The following OSBPL3 variants were observed in gnomAD, a reference collection of about 807,000 sequenced individuals.
The protein encoded by OSBPL3 is oxysterol-binding protein-related protein 3.
OSBPL3 carries 65 observed loss-of-function variants against 120.1 expected under a neutral mutation model. That is an observed-to-expected ratio of 0.54 (90% confidence interval 0.44 to 0.67). The LOEUF (loss-of-function observed/expected upper bound fraction) is 0.67, where lower values mean the gene tolerates loss of function less well. Among genes scored for constraint, OSBPL3 ranks in the 30% least tolerant of loss-of-function variants. The pLI, the probability that OSBPL3 is intolerant of heterozygous loss-of-function variation, is 0.00. For missense variants in OSBPL3, 1,004 were observed against 1,082.1 expected (o/e 0.93, Z 1.01); for synonymous variants, 416 against 402.6 (o/e 1.03, Z -0.40).
intron 1 of OSBPL3, among the ~76,000 whole-genome samples, chr7:24,923,151 A>G (rs540222834): frequency 6.6e-6 from 1 of 152,306 alleles, no homozygotes; most frequent in South Asian, 2.1e-4. Context: ...TAGGTTATCT[A>G]TCTAGAAAGG....
At position 24,806,683 on chromosome 7, in the gene OSBPL3, C is replaced by T; in HGVS notation, c.2444+93G>A. The T allele has an allele frequency of 8.6e-7, 1 of 1,159,104 alleles. No individual in the cohort carries two copies. The highest frequency in any genetic ancestry group is 1.2e-6 in the Non-Finnish European group (1 of 815,138). 71.8% of individuals were successfully genotyped at this position (1,159,104 alleles called of 1,614,324 possible). A position where few individuals can be genotyped will look rare whatever the true frequency, so the allele number is the denominator to read the frequency against. ...ATTCCTGATGACATTTTCCACCTTT[C>T]TCAGGTGCCTCTGGTGGCCTAAGGA... On this transcript the variant is annotated intron_variant, in intron 21 of 22. Coordinates refer to ENST00000313367, the MANE Select transcript of OSBPL3 (RefSeq NM_015550.4). This position sits in a 1 kb window ranked among gnomAD's most constrained non-coding sequence, Gnocchi z 5.2.
chr7:24,810,002 A>C, intron 19 of OSBPL3, 51 bp from the exon 20 acceptor site: 1 of 1,596,102 alleles, frequency 6.3e-7, no homozygotes, highest in Non-Finnish European at 8.6e-7. Flanking sequence ...AGCTTATTAC[A>C]GATATTAAGG....
chr7:24,921,620 A>G (rs1810395961), intron 1 of OSBPL3, among the ~76,000 whole-genome samples: 1 of 152,146 alleles, frequency 6.6e-6, no homozygotes, highest in Non-Finnish European at 1.5e-5. Context: ...TGTACCCTCT[A>G]GGGTACCTCT....
At chr7:24,866,996 T>C (rs1241126622) in intron 5 of OSBPL3, among the ~76,000 whole-genome samples, 1 of 152,164 alleles carries the variant, frequency 6.6e-6, no homozygotes, top group African/African-American at 2.4e-5. Flanking sequence ...GAGGCGGGGT[T>C]TCACCATGTT....
At chr7:24,969,419 G>C (rs936412402) in intron 1 of OSBPL3, among the ~76,000 whole-genome samples, 1 of 152,124 alleles carries the variant, frequency 6.6e-6, no homozygotes, top group Non-Finnish European at 1.5e-5. Context: ...TCCTAAATGT[G>C]TTGATTGCCT....
intron 2 of OSBPL3, among the ~76,000 whole-genome samples, chr7:24,886,973 G>A (rs1045996541): frequency 1.3e-5 from 2 of 152,114 alleles, no homozygotes; most frequent in African/African-American, 4.8e-5. Context: ...TGACCTATCA[G>A]CAGCTATTTA....
At position 24,815,824 on chromosome 7, in the gene OSBPL3, G is replaced by A. The variant is rs1460076344; in HGVS notation, c.2028-621C>T. Among the ~76,000 whole-genome samples the A allele has an allele frequency of 1.3e-5, 2 of 152,172 alleles. No homozygotes were observed. The highest frequency in any genetic ancestry group is 1.5e-5 in the Non-Finnish European group (1 of 68,020). ...TTTTCTAGATGGGGAAACTGGTGATGAGAAAGGTGAAGTAACTTGCCCAGG... is the reference window on the plus strand; with the variant it reads ...TTTTCTAGATGGGGAAACTGGTGATAAGAAAGGTGAAGTAACTTGCCCAGG... On this transcript the variant is annotated intron_variant, in intron 18 of 22. Transcript: ENST00000313367. This position sits in a 1 kb window ranked among gnomAD's most constrained non-coding sequence, Gnocchi z 5.1.
chr7:24,823,953 C>T (rs111713060), intron 16 of OSBPL3, among the ~76,000 whole-genome samples: 13 of 152,306 alleles, frequency 8.5e-5, no homozygotes, highest in African/African-American at 2.9e-4. Context: ...TCTGTATTCT[C>T]CTTACATTTT....
At position 24,877,560 on chromosome 7, in the gene OSBPL3, C is replaced by T. The variant is rs1490467355; in HGVS notation, c.97-5491G>A. 6.6e-6 allele frequency among the ~76,000 whole-genome samples: 1 copy of T among 152,126 alleles called. No homozygotes were observed. ...GACAGGGACTGTGTCTTATTTATTA[C>T]AATCCTACTACCTGGGAAATAGGGG... On this transcript the variant is annotated intron_variant, in intron 2 of 22. Transcript: ENST00000313367. This position sits in a 1 kb window ranked among gnomAD's most constrained non-coding sequence, Gnocchi z 4.8.
At chr7:24,811,065 T>C (rs961633730) in intron 19 of OSBPL3, among the ~76,000 whole-genome samples, 3 of 152,244 alleles carry the variant, frequency 2.0e-5, no homozygotes, top group East Asian at 1.9e-4. Context: ...TGGCAGATCA[T>C]ATGGTAATTC....
At chr7:24,878,129 T>G (rs576060787) in intron 2 of OSBPL3, among the ~76,000 whole-genome samples, 1 of 152,256 alleles carries the variant, frequency 6.6e-6, no homozygotes, top group Admixed American at 6.5e-5. Context: ...TTCATGCTCA[T>G]GCGCTGGCCA....
rs1218381661 is a variant in OSBPL3 at position 24,955,541 on chromosome 7, T to G, written c.-150+24345A>C. On this transcript the variant is annotated intron_variant, in intron 1 of 22. Transcript: ENST00000313367. The surrounding 1 kb of genome is among the most constrained non-coding windows in gnomAD (Gnocchi z 4.3). ...CTTCTTGTTTTCTCTAAGTAGATGT[T>G]TGTGCAGTCTGTGCTTCCCCTCTTT... 6.6e-6 allele frequency among the ~76,000 whole-genome samples: 1 copy of G among 152,208 alleles called. No homozygotes were observed. Among genetic ancestry groups the G allele is most frequent in the Non-Finnish European group, 1.5e-5 (1 of 68,030 alleles).
At chr7:24,969,608 A>C (rs943826528) in intron 1 of OSBPL3, among the ~76,000 whole-genome samples, 1 of 152,066 alleles carries the variant, frequency 6.6e-6, no homozygotes, top group African/African-American at 2.4e-5. Flanking sequence ...TCCATGTGGA[A>C]TTTATTTTAT....
At position 24,803,733 on chromosome 7, in the gene OSBPL3, T is replaced by C. The variant is rs1398011302; in HGVS notation, c.2567+582A>G. Among the ~76,000 whole-genome samples, 4 of 151,798 alleles carry C rather than the reference T, an allele frequency of 2.6e-5. No individual in the cohort carries two copies. The highest frequency in any genetic ancestry group is 7.3e-5 in the African/African-American group (3 of 41,298). On this transcript the variant is annotated intron_variant, in intron 22 of 22. Transcript: ENST00000313367. The surrounding 1 kb of genome is among the most constrained non-coding windows in gnomAD (Gnocchi z 4.2). Reference sequence around the variant, plus strand: ...CTGCAGTGAGTCAAGATGGTGCCACTGCACTCCAGCCTGGGTGACAGAGCG... The same window carrying C: ...CTGCAGTGAGTCAAGATGGTGCCACCGCACTCCAGCCTGGGTGACAGAGCG...
chr7:24,828,506 G>T (rs1014894502), intron 16 of OSBPL3, among the ~76,000 whole-genome samples: 1 of 151,366 alleles, frequency 6.6e-6, no homozygotes, highest in Non-Finnish European at 1.5e-5. Context: ...TACTCGGGAG[G>T]CTGAGGTGCG....
rs999769031 is a variant in OSBPL3 at position 24,936,258 on chromosome 7, G to C, written c.-150+43628C>G. Among the ~76,000 whole-genome samples the C allele has an allele frequency of 2.0e-5, 3 of 152,154 alleles. No homozygotes were observed. Among genetic ancestry groups the C allele is most frequent in the African/African-American group, 7.2e-5 (3 of 41,416 alleles). ...ATATGCGAATATTTCAAAGGAAGCTGAGACAGTGAATACAGGCTGTTACTT... is the reference window on the plus strand; with the variant it reads ...ATATGCGAATATTTCAAAGGAAGCTCAGACAGTGAATACAGGCTGTTACTT... On this transcript the variant is annotated intron_variant, in intron 1 of 22. Transcript: ENST00000313367. This position sits in a 1 kb window ranked among gnomAD's most constrained non-coding sequence, Gnocchi z 4.2.
rs1806607384 is a variant in OSBPL3, at chr7:24,899,106, A to T, written c.-149-6485T>A. Among the ~76,000 whole-genome samples, 1 of 152,152 alleles carries T rather than the reference A, an allele frequency of 6.6e-6. No homozygotes were observed. Among genetic ancestry groups the T allele is most frequent in the Non-Finnish European group, 1.5e-5 (1 of 68,030 alleles). On this transcript the variant is annotated intron_variant, in intron 1 of 22. Coordinates refer to ENST00000313367, the MANE Select transcript of OSBPL3 (RefSeq NM_015550.4). The surrounding 1 kb of genome is among the most constrained non-coding windows in gnomAD (Gnocchi z 4.0). ...CTCCAGACTAAACAGCCGCATTGTC[A>T]TCATCATCCATTTCTTATGGGACAT... is the stretch of plus-strand genomic sequence containing the variant.
intron 1 of OSBPL3, among the ~76,000 whole-genome samples, chr7:24,971,759 G>A (rs555115612): frequency 2.0e-3 from 186 of 91,066 alleles, no homozygotes; most frequent in African/African-American, 5.3e-3. Context: ...ATCTAACGAG[G>A]TAGCGTAAGT....
At chr7:24,839,310 G>T (rs182630103) in intron 14 of OSBPL3, among the ~76,000 whole-genome samples, 1 of 152,312 alleles carries the variant, frequency 6.6e-6, no homozygotes, top group African/African-American at 2.4e-5. Context: ...CAGGTGGGCA[G>T]ATTCTTTTTA....
Sources: allele counts gnomAD v4.1 joint callset (sites outside exome capture counted in the v4.1 genomes callset), GRCh38; gene constraint gnomAD v4.1.1; non-coding constraint Gnocchi (gnomAD v3.1); transcripts MANE v1.5; gene names NCBI Gene and HGNC (gene_info 2026-07-23, HGNC 2026-07-21).